Variants in ADPRH observed in about 807,000 individuals in gnomAD.
The protein encoded by ADPRH is ADP-ribose-L-arginine cleaving enzyme.
ADPRH carries 27 observed loss-of-function variants against 28.8 expected under a neutral mutation model. That is an observed-to-expected ratio of 0.94 (90% CI 0.69 to 1.29). ADPRH has a LOEUF of 1.29. ADPRH is among the 50% of genes most tolerant of loss of function. The pLI is 0.00. For synonymous variants in ADPRH, 161 were observed against 166.9 expected, an observed-to-expected ratio of 0.96 and a Z score of 0.27; for missense variants, 419 against 444.8, an observed-to-expected ratio of 0.94 and a Z score of 0.52.
intron 3 of ADPRH, among the ~76,000 whole-genome samples, chr3:119,584,610 T>G (rs2082441228): frequency 6.6e-6 from 1 of 152,212 alleles, no homozygotes; most frequent in East Asian, 1.9e-4. Flanking sequence ...GGCCACAGGT[T>G]CGCTCACAAG....
chr3:119,586,206 C>T (rs1277653565), intron 3 of ADPRH, 79 bp from the exon 4 acceptor site: 2 of 1,567,618 alleles, frequency 1.3e-6, no homozygotes, highest in African/African-American at 2.7e-5. Context: ...TACTTGGAGA[C>T]AGAGTTTAGT....
In ADPRH at chr3:119,586,640, A is replaced by T. The variant is rs2082463782; in HGVS notation, c.654A>T (p.Gln218His). ...QSGYFVEENLQHWSYFQTKWE... is the reference protein window; with the variant it reads ...QSGYFVEENLHHWSYFQTKWE... The stretch of plus-strand genomic sequence containing the variant: ...GCTACTTTGTAGAGGAAAATCTTCA[A>T]CACTGGTGAGTCTGTAAGCGCACGC... Residue 218 changes from glutamine to histidine, a missense_variant, in exon 4 of 5, where the codon CAA becomes CAT. By Grantham distance (24) the Gln-to-His change is conservative (BLOSUM62 0). Coordinates refer to ENST00000357003, the MANE Select transcript of ADPRH (RefSeq NM_001125.4). 1 of 1,613,404 alleles carries T rather than the reference A, an allele frequency of 6.2e-7. No individual in the cohort carries two copies. Among genetic ancestry groups the T allele is most frequent in the African/African-American group, 1.3e-5 (1 of 74,904 alleles).
chr3:119,586,869 C>A (rs1042112728), intron 4 of ADPRH, among the ~76,000 whole-genome samples: 1 of 152,216 alleles, frequency 6.6e-6, no homozygotes, highest in African/African-American at 2.4e-5. Context: ...TGGTGTTTCC[C>A]TCTTACACGG....
intron 4 of ADPRH, 62 bp from the exon 5 acceptor site, chr3:119,587,401 CT>C: frequency 1.4e-6 from 2 of 1,382,800 alleles, no homozygotes; most frequent in Non-Finnish European, 9.7e-7. Flanking sequence ...CCATCTGGTG[CT>C]TTTTGTTATG....
Position 119,588,043 on chromosome 3 carries a change from G to A in ADPRH, c.*165G>A, listed in dbSNP as rs1274510530. ...AGCTCAGTTTTTTCAGGCTCATCCT[G>A]TTCTTCCAGAATCTATCCCTTTTCT... On this transcript the variant is annotated 3_prime_UTR_variant, in exon 5 of 5. Coordinates refer to ENST00000357003, the MANE Select transcript of ADPRH (RefSeq NM_001125.4). 4 of 631,568 alleles carry A rather than the reference G, an allele frequency of 6.3e-6. No individual in the cohort carries two copies. The highest frequency in any genetic ancestry group is 1.0e-5 in the Non-Finnish European group (4 of 401,024). 39.1% of individuals were successfully genotyped at this position (631,568 alleles called of 1,614,324 possible).
Position 119,586,515 on chromosome 3 carries a change from C to T in ADPRH, c.529C>T (p.Leu177Phe). 1 of 1,614,234 alleles carries T rather than the reference C, an allele frequency of 6.2e-7. No individual in the cohort carries two copies. The highest frequency in any genetic ancestry group is 8.5e-7 in the Non-Finnish European group (1 of 1,180,040). Residue 177 changes from leucine to phenylalanine, a missense_variant, in exon 4 of 5, where the codon CTT (leucine) becomes TTT (phenylalanine). Physicochemically the swap from Leu to Phe is conservative, Grantham distance 22 (BLOSUM62 0). Transcript: ENST00000357003. Reference protein sequence around the residue: ...TGYLGALASALFTAYAVNSRP... With the variant: ...TGYLGALASAFFTAYAVNSRP... ...CTACCTGGGGGCCCTTGCGTCTGCTCTTTTTACAGCCTATGCTGTGAATAG... is the reference window on the plus strand; with the variant it reads ...CTACCTGGGGGCCCTTGCGTCTGCTTTTTTTACAGCCTATGCTGTGAATAG...
intron 3 of ADPRH, among the ~76,000 whole-genome samples, chr3:119,584,187 T>C (rs779756802): frequency 1.6e-4 from 25 of 152,210 alleles, no homozygotes; most frequent in Admixed American, 1.2e-3. Flanking sequence ...GGAGTATTTA[T>C]AGTTTTTTAT....
In ADPRH at chr3:119,588,864, GGGCAGCCAATA is replaced by G. The variant is rs1182840859; in HGVS notation, c.*991_*1001del. The G allele has an allele frequency of 6.6e-6, 1 of 152,232 alleles. No individual in the cohort carries two copies. Among genetic ancestry groups the G allele is most frequent in the African/African-American group, 2.4e-5 (1 of 41,452 alleles). 9.4% of individuals were successfully genotyped at this position (152,232 alleles called of 1,614,324 possible). ...CTAAACAGAACCTAGCACAGTGCTT[GGGCAGCCAATA>G]GGCATTAATCAGTATCTATTGAGTG... is the stretch of plus-strand genomic sequence containing the variant. On this transcript the variant is annotated 3_prime_UTR_variant, in exon 5 of 5. Coordinates refer to ENST00000357003, the MANE Select transcript of ADPRH (RefSeq NM_001125.4).
At position 119,589,010 on chromosome 3, in the gene ADPRH, T is replaced by G. The variant is rs1003023700; in HGVS notation, c.*1132T>G. 5 of 151,986 alleles carry G rather than the reference T, an allele frequency of 3.3e-5. No homozygotes were observed. The highest frequency in any genetic ancestry group is 1.2e-4 in the African/African-American group (5 of 41,206). 9.4% of individuals were successfully genotyped at this position (151,986 alleles called of 1,614,324 possible). ...ATCATGTTCCAATGAATACATCACC[T>G]TTCTTCATTTCTTGATGCTCTTCCC... On this transcript the variant is annotated 3_prime_UTR_variant, in exon 5 of 5. Transcript: ENST00000357003.
Position 119,587,671 on chromosome 3 carries a change from G to C in ADPRH, c.867G>C (p.Trp289Cys). Residue 289 changes from tryptophan to cysteine, a missense_variant, in exon 5 of 5, where the codon TGG (tryptophan) becomes TGC (cysteine). By Grantham distance (215) the Trp-to-Cys change is radical. Coordinates refer to ENST00000357003, the MANE Select transcript of ADPRH (RefSeq NM_001125.4). ...CTGTTCTTGCTGCAGGAGACTCCTG[G>C]AAGGAGCTTGCCCACCGAGCCTTTT... ...YDAVLAAGDS[W>C]KELAHRAFFH... 1 of 1,614,148 alleles carries C rather than the reference G, an allele frequency of 6.2e-7. No individual in the cohort carries two copies.
intron 4 of ADPRH, 85 bp from the exon 5 acceptor site, chr3:119,587,379 C>G (rs186556837): frequency 4.6e-4 from 522 of 1,124,316 alleles, no homozygotes; most frequent in Admixed American, 2.3e-3. Flanking sequence ...GGATTTTTCT[C>G]TGTTCACACA....
In ADPRH at chr3:119,588,936, T is replaced by G. The variant is rs931824903; in HGVS notation, c.*1058T>G. On this transcript the variant is annotated 3_prime_UTR_variant, in exon 5 of 5. Coordinates refer to ENST00000357003, the MANE Select transcript of ADPRH (RefSeq NM_001125.4). ...GCCTCCTAGCTCGTGCTTCCCTCAT[T>G]ACCCTCCAGAGTTATGTTTACGAAT... is the stretch of plus-strand genomic sequence containing the variant. The G allele has an allele frequency of 3.9e-5, 6 of 152,266 alleles. No homozygotes were observed. The highest frequency in any genetic ancestry group is 8.8e-5 in the Non-Finnish European group (6 of 68,058). The allele number at this position is 152,266 out of a possible 1,614,324, so 9.4% of individuals were successfully genotyped here. A position where few individuals can be genotyped will look rare whatever the true frequency, so the allele number is the denominator to read the frequency against.
intron 3 of ADPRH, among the ~76,000 whole-genome samples, chr3:119,585,032 G>C (rs896368875): frequency 6.6e-6 from 1 of 152,138 alleles, no homozygotes; most frequent in Non-Finnish European, 1.5e-5. Flanking sequence ...TCTCCAAATC[G>C]AGGTACTTAG....
chr3:119,583,940 G>A (rs973712578), intron 3 of ADPRH, among the ~76,000 whole-genome samples: 1 of 152,028 alleles, frequency 6.6e-6, no homozygotes, highest in African/African-American at 2.4e-5. Flanking sequence ...ACCACGTCTG[G>A]CTAATTTTTG....
rs2082495712 is a variant in ADPRH, at chr3:119,589,474, T to G, written c.*1596T>G. 6.6e-6 allele frequency: 1 copy of G among 152,200 alleles called. No homozygotes were observed. Among genetic ancestry groups the G allele is most frequent in the African/African-American group, 2.4e-5 (1 of 41,444 alleles). 9.4% of individuals were successfully genotyped at this position (152,200 alleles called of 1,614,324 possible). On this transcript the variant is annotated 3_prime_UTR_variant, in exon 5 of 5. Coordinates refer to ENST00000357003, the MANE Select transcript of ADPRH (RefSeq NM_001125.4). ...GCGGTGGGTAAATGAGGTCTGATGA[T>G]AGCAGTCCTGCCACCTTCTAGTTCA...
chr3:119,589,766 T>C lies in ADPRH; in HGVS notation c.*1888T>C, dbSNP rs1309069261. ...TTTCAGACTTCTTTTTTCTCAAACC[T>C]CAAAACTTCCACCCCAAACTTCGCT... On this transcript the variant is annotated 3_prime_UTR_variant, in exon 5 of 5. Transcript: ENST00000357003. The C allele has an allele frequency of 6.6e-6, 1 of 152,114 alleles. No homozygotes were observed. The highest frequency in any genetic ancestry group is 1.5e-5 in the Non-Finnish European group (1 of 68,030). 9.4% of individuals were successfully genotyped at this position (152,114 alleles called of 1,614,324 possible).
rs143148368 is a variant in ADPRH, at chr3:119,586,015, T to C, written c.299-270T>C. On this transcript the variant is annotated intron_variant, in intron 3 of 4. Transcript: ENST00000357003. ...AGAGAACAATATACTTACTTCTTAA[T>C]TTTTTTGTGATGTCTCAGTAATGAC... is the stretch of plus-strand genomic sequence containing the variant. Among the ~76,000 whole-genome samples the C allele has an allele frequency of 2.3e-3, 346 of 152,324 alleles. 2 individuals are homozygous for C. Among genetic ancestry groups the C allele is most frequent in the African/African-American group, 7.6e-3 (317 of 41,562 alleles).
Position 119,588,886 on chromosome 3 carries a change from A to G in ADPRH, c.*1008A>G, listed in dbSNP as rs2082489904. On this transcript the variant is annotated 3_prime_UTR_variant, in exon 5 of 5. Transcript: ENST00000357003. ...CTTGGGCAGCCAATAGGCATTAATC[A>G]GTATCTATTGAGTGTTATGAACTAG... 1 of 152,346 alleles carries G rather than the reference A, an allele frequency of 6.6e-6. No homozygotes were observed. Among genetic ancestry groups the G allele is most frequent in the African/African-American group, 2.4e-5 (1 of 41,584 alleles). 9.4% of individuals were successfully genotyped at this position (152,346 alleles called of 1,614,324 possible). A position where few individuals can be genotyped will look rare whatever the true frequency, so the allele number is the denominator to read the frequency against.
intron 3 of ADPRH, among the ~76,000 whole-genome samples, chr3:119,583,536 T>C (rs9833506): frequency 0.45 from 67,605 of 148,640 alleles, 15,260 homozygotes; most frequent in Middle Eastern, 0.56. Context: ...GCAAATAATA[T>C]TTACTAATAT....
Sources: allele counts gnomAD v4.1 joint callset (sites outside exome capture counted in the v4.1 genomes callset), GRCh38; gene constraint gnomAD v4.1.1; transcripts MANE v1.5; gene names NCBI Gene and HGNC (gene_info 2026-07-23, HGNC 2026-07-21).